The following C2CD4C variants were observed in gnomAD, a reference collection of about 807,000 sequenced individuals.
The protein encoded by C2CD4C is C2 calcium dependent domain containing 4C.
In C2CD4C, 3 loss-of-function variants were observed where a neutral mutation model predicts 4.1. The ratio of observed to expected loss-of-function variants is 0.73; its 90% CI spans 0.33 to 1.88. C2CD4C has a LOEUF of 1.88. C2CD4C is among the 40% of genes most tolerant of loss of function. The pLI is 0.08. For missense variants in C2CD4C, 664 were observed against 621.5 expected (o/e 1.07, Z -0.73); for synonymous variants, 364 against 290.4 (o/e 1.25, Z -2.57).
rs1568273627 is a variant in C2CD4C at position 406,847 on chromosome 19, G to C, written c.*249C>G. ...AAGTGGCCCCTTCTCTTCCCCCGAG[G>C]CCCCTCTCCTCCTCCTCCTCCTCCT... On this transcript the variant is annotated 3_prime_UTR_variant, in exon 2 of 2. Transcript: ENST00000332235. The C allele has an allele frequency of 5.9e-6, 3 of 504,644 alleles. No individual in the cohort carries two copies. The highest frequency in any genetic ancestry group is 1.0e-5 in the Non-Finnish European group (3 of 287,348). The allele number at this position is 504,644 out of a possible 1,614,324, so 31.3% of individuals were successfully genotyped here.
Position 407,847 on chromosome 19 carries a change from G to A in C2CD4C, c.515C>T (p.Ala172Val), listed in dbSNP as rs764401735. The change falls in exon 2 of 2, where the codon GCT becomes GTT. Residue 172 changes from alanine (A) to valine (V), a missense_variant. Physicochemically the swap from Ala to Val is moderately conservative, Grantham distance 64. Transcript: ENST00000332235. ...CCCTGGGGAGCCCACCTGGGCCAGA[G>A]CCCCGTGCTCACTGTGGAACAGAGA... ...KESLFHSEHG[A>V]LAQVGSPGAG... The A allele has an allele frequency of 3.9e-6, 6 of 1,547,732 alleles. No individual in the cohort carries two copies. The East Asian group carries it at 9.8e-5, about 25-fold the overall frequency.
In C2CD4C at chr19:408,036, C is replaced by G; in HGVS notation, c.326G>C (p.Arg109Pro). The G allele has an allele frequency of 1.3e-6, 2 of 1,543,488 alleles. No homozygotes were observed. Among genetic ancestry groups the G allele is most frequent in the Non-Finnish European group, 1.7e-6 (2 of 1,144,116 alleles). The stretch of plus-strand genomic sequence containing the variant: ...GGCACTCTCGATCTGGATCACGTGC[C>G]GGGTGGCTGCCTTCAGCAGGCTCTT... ...ESKSLLKAAT[R>P]HVIQIESAED... The change falls in exon 2 of 2, where the codon CGG becomes CCG. Residue 109 changes from arginine to proline, a missense_variant. By Grantham distance (103) the Arg-to-Pro change is moderately radical. Coordinates refer to ENST00000332235, the MANE Select transcript of C2CD4C (RefSeq NM_001136263.2).
At chr19:408,469 C>T (rs1242791619) in intron 1 of C2CD4C, 68 bp from the exon 2 acceptor site, 2 of 560,106 alleles carry the variant, frequency 3.6e-6, no homozygotes, top group Non-Finnish European at 5.3e-6. Flanking sequence ...CACCTGCTCC[C>T]TGTGGGGCCT....
chr19:408,772 A>C, intron 1 of C2CD4C, among the ~76,000 whole-genome samples: 1 of 151,634 alleles, frequency 6.6e-6, no homozygotes, highest in Non-Finnish European at 1.5e-5. Flanking sequence ...ATGTGGGTGG[A>C]CCCCCGGGGT....
intron 1 of C2CD4C, 23 bp downstream of exon 1, chr19:408,983 C>T (rs1348135836): frequency 6.6e-6 from 1 of 152,140 alleles, no homozygotes; most frequent in African/African-American, 2.4e-5. Context: ...TCCCCGCAGA[C>T]CGGGCGGGGT....
chr19:408,150 G>T lies in C2CD4C; in HGVS notation c.212C>A (p.Pro71His). ...AEGEGQAALGPSTSEQNLASA... is the reference protein window; with the variant it reads ...AEGEGQAALGHSTSEQNLASA... Reference sequence around the variant, plus strand: ...GGCCAGGTTCTGTTCCGACGTGGAGGGGCCCAGCGCGGCCTGTCCCTCGCC... The same window carrying T: ...GGCCAGGTTCTGTTCCGACGTGGAGTGGCCCAGCGCGGCCTGTCCCTCGCC... The change falls in exon 2 of 2, where the codon CCC becomes CAC. Residue 71 changes from proline (P) to histidine (H), a missense_variant. Pro to His is a moderately conservative substitution (Grantham distance 77). Transcript: ENST00000332235. The T allele has an allele frequency of 6.9e-7, 1 of 1,454,466 alleles. No individual in the cohort carries two copies. Among genetic ancestry groups the T allele is most frequent in the Non-Finnish European group, 9.1e-7 (1 of 1,102,866 alleles). The allele number at this position is 1,454,466 out of a possible 1,614,324, so 90.1% of individuals were successfully genotyped here. A position where few individuals can be genotyped will look rare whatever the true frequency, so the allele number is the denominator to read the frequency against.
At position 408,398 on chromosome 19, in the gene C2CD4C, G is replaced by C. The variant is rs1414442010; in HGVS notation, c.-37C>G. ...GCAAGAGGCCCGGACAGGGGCTGCA[G>C]CGTCTGGGAAGAGAAGCAGGGGTCA... is the stretch of plus-strand genomic sequence containing the variant. On this transcript the variant is annotated 5_prime_UTR_variant, in exon 2 of 2. Coordinates refer to ENST00000332235, the MANE Select transcript of C2CD4C (RefSeq NM_001136263.2). 6.6e-7 allele frequency: 1 copy of C among 1,526,670 alleles called. No homozygotes were observed. Among genetic ancestry groups the C allele is most frequent in the African/African-American group, 1.4e-5 (1 of 71,040 alleles). The allele number at this position is 1,526,670 out of a possible 1,614,324, so 94.6% of individuals were successfully genotyped here. A position where few individuals can be genotyped will look rare whatever the true frequency, so the allele number is the denominator to read the frequency against.
intron 1 of C2CD4C, 106 bp downstream of exon 1, chr19:408,900 G>A (rs1974044285): frequency 6.6e-6 from 1 of 151,960 alleles, no homozygotes; most frequent in African/African-American, 2.4e-5. Context: ...AGAGCAGCGA[G>A]TCGACTCCCC....
Position 408,376 on chromosome 19 carries a change from A to G in C2CD4C, c.-15T>C. The G allele has an allele frequency of 6.5e-7, 1 of 1,544,024 alleles. No homozygotes were observed. Among genetic ancestry groups the G allele is most frequent in the Non-Finnish European group, 8.7e-7 (1 of 1,144,168 alleles). Reference sequence around the variant, plus strand: ...GTTTTTCTCATGGGGGCGGCAGGCAAGAGGCCCGGACAGGGGCTGCAGCGT... The same window carrying G: ...GTTTTTCTCATGGGGGCGGCAGGCAGGAGGCCCGGACAGGGGCTGCAGCGT... On this transcript the variant is annotated 5_prime_UTR_variant, in exon 2 of 2. Coordinates refer to ENST00000332235, the MANE Select transcript of C2CD4C (RefSeq NM_001136263.2).
chr19:406,885 T>G lies in C2CD4C; in HGVS notation c.*211A>C. ...TCCTCCTCCTCCTCCAAAGGAGAAA[T>G]TAATTCATGAAAAATAATACTCCAG... On this transcript the variant is annotated 3_prime_UTR_variant, in exon 2 of 2. Coordinates refer to ENST00000332235, the MANE Select transcript of C2CD4C (RefSeq NM_001136263.2). The G allele has an allele frequency of 1.9e-6, 1 of 526,390 alleles. No homozygotes were observed. The highest frequency in any genetic ancestry group is 3.3e-6 in the Non-Finnish European group (1 of 302,762). 32.6% of individuals were successfully genotyped at this position (526,390 alleles called of 1,614,324 possible). A position where few individuals can be genotyped will look rare whatever the true frequency, so the allele number is the denominator to read the frequency against.
chr19:408,277 C>A lies in C2CD4C; in HGVS notation c.85G>T (p.Gly29Trp), dbSNP rs1229702838. 3 of 1,518,706 alleles carry A rather than the reference C, an allele frequency of 2.0e-6. No individual in the cohort carries two copies. The highest frequency in any genetic ancestry group is 2.3e-5 in the Admixed American group (1 of 44,284). The allele number at this position is 1,518,706 out of a possible 1,614,324, so 94.1% of individuals were successfully genotyped here. ...AGGGGCCCCTTGGAGGCCTTGTCCCCCGCCTCACTCCCCACGCCCCGGGCA... is the reference window on the plus strand; with the variant it reads ...AGGGGCCCCTTGGAGGCCTTGTCCCACGCCTCACTCCCCACGCCCCGGGCA... ...GAARGVGSEA[G>W]DKASKGPLYS... Residue 29 changes from glycine to tryptophan, a missense_variant, in exon 2 of 2, where the codon GGG (glycine) becomes TGG (tryptophan). Physicochemically the swap from Gly to Trp is radical, Grantham distance 184. Coordinates refer to ENST00000332235, the MANE Select transcript of C2CD4C (RefSeq NM_001136263.2).
chr19:407,443 C>T lies in C2CD4C; in HGVS notation c.919G>A (p.Gly307Ser), dbSNP rs1974009083. The T allele has an allele frequency of 2.0e-6, 3 of 1,476,538 alleles. No homozygotes were observed. The highest frequency in any genetic ancestry group is 2.7e-6 in the Non-Finnish European group (3 of 1,120,176). The allele number at this position is 1,476,538 out of a possible 1,614,324, so 91.5% of individuals were successfully genotyped here. The change falls in exon 2 of 2, where the codon GGC becomes AGC. Residue 307 changes from glycine to serine, a missense_variant. Gly to Ser is a moderately conservative substitution (Grantham distance 56, BLOSUM62 0). Coordinates refer to ENST00000332235, the MANE Select transcript of C2CD4C (RefSeq NM_001136263.2). Reference protein sequence around the residue: ...GEHTVHVGPRGSVRLLAEYEA... With the variant: ...GEHTVHVGPRSSVRLLAEYEA... ...TACTCGGCCAGCAGCCGCACGCTGC[C>T]CCGAGGGCCCACGTGGACCGTGTGC...
Position 406,981 on chromosome 19 carries a change from C to T in C2CD4C, c.*115G>A. 1.6e-6 allele frequency: 1 copy of T among 636,052 alleles called. No individual in the cohort carries two copies. Among genetic ancestry groups the T allele is most frequent in the Non-Finnish European group, 2.5e-6 (1 of 396,862 alleles). The allele number at this position is 636,052 out of a possible 1,614,324, so 39.4% of individuals were successfully genotyped here. A position where few individuals can be genotyped will look rare whatever the true frequency, so the allele number is the denominator to read the frequency against. ...GCGCCCAGCCCAGCCTGAGTGTGAG[C>T]CCCTCCCCGGCCAGCCCCAGCCCAA... On this transcript the variant is annotated 3_prime_UTR_variant, in exon 2 of 2. Transcript: ENST00000332235.
chr19:408,011 G>C lies in C2CD4C; in HGVS notation c.351C>G (p.Ala117=), dbSNP rs571504039. The change falls in exon 2 of 2, where the codon GCC becomes GCG. Residue 117 remains alanine (A), a synonymous_variant. Coordinates refer to ENST00000332235, the MANE Select transcript of C2CD4C (RefSeq NM_001136263.2). ...ATRHVIQIES[A]EDWLSEEATD... The stretch of plus-strand genomic sequence containing the variant: ...TGGCCTCCTCGGACAGCCAGTCCTC[G>C]GCACTCTCGATCTGGATCACGTGCC... 2.6e-6 allele frequency: 4 copies of C among 1,548,406 alleles called. No homozygotes were observed. In the East Asian group the frequency reaches 7.3e-5, roughly 28 times the overall value.
rs141119844 is a variant in C2CD4C at position 406,927 on chromosome 19, C to T, written c.*169G>A. Reference sequence around the variant, plus strand: ...ATACTCCAGTCAGCATCGGGTGACCCAGGAAACCCTGCGTCAGCTACAGCA... The same window carrying T: ...ATACTCCAGTCAGCATCGGGTGACCTAGGAAACCCTGCGTCAGCTACAGCA... On this transcript the variant is annotated 3_prime_UTR_variant, in exon 2 of 2. Transcript: ENST00000332235. 1.7e-6 allele frequency: 1 copy of T among 604,224 alleles called. No individual in the cohort carries two copies. Among genetic ancestry groups the T allele is most frequent in the Non-Finnish European group, 2.8e-6 (1 of 353,860 alleles). 37.4% of individuals were successfully genotyped at this position (604,224 alleles called of 1,614,324 possible).
At position 407,004 on chromosome 19, in the gene C2CD4C, C is replaced by CCCCCCCCA; in HGVS notation, c.*91_*92insTGGGGGGG. 1 of 1,177,690 alleles carries CCCCCCCCA rather than the reference C, an allele frequency of 8.5e-7. No individual in the cohort carries two copies. Among genetic ancestry groups the CCCCCCCCA allele is most frequent in the Non-Finnish European group, 1.2e-6 (1 of 867,384 alleles). The allele number at this position is 1,177,690 out of a possible 1,614,324, so 73.0% of individuals were successfully genotyped here. A position where few individuals can be genotyped will look rare whatever the true frequency, so the allele number is the denominator to read the frequency against. The stretch of plus-strand genomic sequence containing the variant: ...AGCCCCTCCCCGGCCAGCCCCAGCC[C>CCCCCCCCA]AAGCCAGCGGACCCGCCCGCCAGCA... On this transcript the variant is annotated 3_prime_UTR_variant, in exon 2 of 2. Transcript: ENST00000332235.
rs548663877 is a variant in C2CD4C at position 408,793 on chromosome 19, C to T, written c.-41+213G>A. Among the ~76,000 whole-genome samples, 412 of 152,234 alleles carry T rather than the reference C, an allele frequency of 2.7e-3. 2 individuals carry two copies. Among genetic ancestry groups the T allele is most frequent in the African/African-American group, 9.5e-3 (396 of 41,572 alleles). On this transcript the variant is annotated intron_variant, in intron 1 of 1. Coordinates refer to ENST00000332235, the MANE Select transcript of C2CD4C (RefSeq NM_001136263.2). ...GTGGACCCCCGGGGTGTCCCAGCTC[C>T]GCCCCCCCGGCTCCCACCCACCTGT...
chr19:407,032 C>G lies in C2CD4C; in HGVS notation c.*64G>C, dbSNP rs1417389290. On this transcript the variant is annotated 3_prime_UTR_variant, in exon 2 of 2. Coordinates refer to ENST00000332235, the MANE Select transcript of C2CD4C (RefSeq NM_001136263.2). ...GCCAGCGGACCCGCCCGCCAGCACC[C>G]GGTGTGGAGGAGAGACCGGGGTCTG... The G allele has an allele frequency of 7.0e-7, 1 of 1,423,678 alleles. No individual in the cohort carries two copies. Among genetic ancestry groups the G allele is most frequent in the South Asian group, 1.4e-5 (1 of 69,336 alleles). The allele number at this position is 1,423,678 out of a possible 1,614,324, so 88.2% of individuals were successfully genotyped here.
chr19:407,518 G>T lies in C2CD4C; in HGVS notation c.844C>A (p.Arg282Ser). Reference protein sequence around the residue: ...ASPGSRRRLTRRAPPEPGPES... With the variant: ...ASPGSRRRLTSRAPPEPGPES... ...GGGCCAGGTTCCGGGGGTGCCCGGCGGGTCAGGCGGCGCCGGCTCCCGGGG... is the reference window on the plus strand; with the variant it reads ...GGGCCAGGTTCCGGGGGTGCCCGGCTGGTCAGGCGGCGCCGGCTCCCGGGG... The change falls in exon 2 of 2, where the codon CGC becomes AGC. Residue 282 changes from arginine (R) to serine (S), a missense_variant. Coordinates refer to ENST00000332235, the MANE Select transcript of C2CD4C (RefSeq NM_001136263.2). 1 of 1,378,936 alleles carries T rather than the reference G, an allele frequency of 7.3e-7. No individual in the cohort carries two copies. The allele number at this position is 1,378,936 out of a possible 1,614,324, so 85.4% of individuals were successfully genotyped here.
Sources: gnomAD v4.1 joint callset for allele counts (sites outside exome capture counted in the v4.1 genomes callset) on GRCh38, gnomAD v4.1.1 for gene constraint, MANE v1.5 for transcripts, NCBI Gene and HGNC (gene_info 2026-07-23, HGNC 2026-07-21) for gene names.